Variants in ASCC1 observed in about 807,000 individuals in gnomAD.
ASCC1 encodes the protein activating signal cointegrator 1 complex subunit 1.
Under a neutral mutation model 46.6 loss-of-function variants are expected in ASCC1, and 35 were observed. The ratio of observed to expected loss-of-function variants is 0.75; its 90% CI spans 0.57 to 0.99. The LOEUF (loss-of-function observed/expected upper bound fraction) is 0.99. ASCC1 is among the 50% of genes least tolerant of loss of function. The probability of loss-of-function intolerance (pLI) is 0.00; values close to 1 mark genes in which losing one functional copy is unlikely to be tolerated. For synonymous variants in ASCC1, 143 were observed against 146.6 expected (o/e 0.98, Z 0.18); for missense variants, 376 against 428.7 (o/e 0.88, Z 1.09).
At chr10:72,217,009 C>G (rs550479820), upstream of ASCC1, 672 of 454,920 alleles carry the variant, frequency 1.5e-3, 13 homozygotes, top group South Asian at 0.01. Flanking sequence ...TCCTGCATGA[C>G]CTTTGCTGAG....
At chr10:72,110,760 C>A (rs1413918882) in intron 9 of ASCC1, among the ~76,000 whole-genome samples, 1 of 152,200 alleles carries the variant, frequency 6.6e-6, no homozygotes, top group Non-Finnish European at 1.5e-5. Context: ...GCACTCCAGT[C>A]TGGGTGATAC....
At chr10:72,153,880 C>T (rs1848656621) in intron 6 of ASCC1, among the ~76,000 whole-genome samples, 1 of 152,100 alleles carries the variant, frequency 6.6e-6, no homozygotes, top group African/African-American at 2.4e-5. Context: ...TGCCACCACG[C>T]CAAGCTAATT....
intron 5 of ASCC1, among the ~76,000 whole-genome samples, chr10:72,181,843 AC>A (rs1390388662): frequency 3.3e-5 from 5 of 151,936 alleles, no homozygotes; most frequent in African/African-American, 7.3e-5. Context: ...GTGCCACCAC[AC>A]CCAGCTAATT....
chr10:72,172,938 T>C (rs1049662036), intron 5 of ASCC1, among the ~76,000 whole-genome samples: 2 of 138,428 alleles, frequency 1.4e-5, no homozygotes, highest in African/African-American at 5.3e-5. Context: ...ATATATTTTA[T>C]ATTATATATT....
At chr10:72,175,983 T>C (rs191911317) in intron 5 of ASCC1, among the ~76,000 whole-genome samples, 10 of 152,364 alleles carry the variant, frequency 6.6e-5, no homozygotes, top group Admixed American at 6.5e-4. Flanking sequence ...CAAGTCTTAC[T>C]TGGTACAGCA....
chr10:72,099,870 G>A (rs1841536775), intron 9 of ASCC1, among the ~76,000 whole-genome samples: 1 of 152,090 alleles, frequency 6.6e-6, no homozygotes, highest in Non-Finnish European at 1.5e-5. Flanking sequence ...AGTACCTTGT[G>A]TGCTCACTGA....
At chr10:72,209,043 T>C (rs932345970) in intron 3 of ASCC1, among the ~76,000 whole-genome samples, 1 of 151,752 alleles carries the variant, frequency 6.6e-6, no homozygotes, top group Middle Eastern at 3.2e-3. Flanking sequence ...CACACACCTG[T>C]AGTCCCAGCT....
Position 72,213,206 on chromosome 10 carries a change from ATCT to A in ASCC1, c.90_92del (p.Glu30del). On this transcript the variant is annotated inframe_deletion, in exon 2 of 10. Transcript: ENST00000672957. ...GATTACCTTGATAGAAGTCCTCTTC[ATCT>A]TCTTCATGTTGATAGGTCTGTTCTT... The A allele has an allele frequency of 1.2e-6, 2 of 1,612,678 alleles. No individual in the cohort carries two copies. The highest frequency in any genetic ancestry group is 8.5e-7 in the Non-Finnish European group (1 of 1,178,788).
intron 8 of ASCC1, among the ~76,000 whole-genome samples, chr10:72,129,946 A>T (rs1845380187): frequency 7.3e-6 from 1 of 136,798 alleles, no homozygotes; most frequent in Non-Finnish European, 1.5e-5. Flanking sequence ...ACTCTACTAC[A>T]CTCCAGCCTG....
chr10:72,149,207 G>A (rs549548957), intron 7 of ASCC1, among the ~76,000 whole-genome samples: 63 of 151,920 alleles, frequency 4.1e-4, no homozygotes, highest in African/African-American at 1.5e-3. Context: ...GGGAGGCCAA[G>A]GTGGACAGAG....
At chr10:72,210,979 C>T (rs1471566855) in intron 2 of ASCC1, 148 bp from the exon 3 acceptor site, 2 of 719,934 alleles carry the variant, frequency 2.8e-6, no homozygotes, top group Non-Finnish European at 5.0e-6. Flanking sequence ...CATGACACTG[C>T]TCTGATACTC....
At chr10:72,169,804 C>A (rs776425447) in intron 5 of ASCC1, among the ~76,000 whole-genome samples, 42 of 152,234 alleles carry the variant, frequency 2.8e-4, no homozygotes, top group Non-Finnish European at 4.3e-4. Flanking sequence ...CAAATCCACA[C>A]TAGAGGGGGT....
intron 7 of ASCC1, among the ~76,000 whole-genome samples, chr10:72,149,531 A>G (rs1458861781): frequency 2.0e-5 from 3 of 152,146 alleles, no homozygotes; most frequent in African/African-American, 4.8e-5. Context: ...TACTCAGGTA[A>G]ATACTGACAG....
intron 9 of ASCC1, among the ~76,000 whole-genome samples, chr10:72,111,955 T>A (rs188366162): frequency 6.6e-6 from 1 of 152,366 alleles, no homozygotes; most frequent in Admixed American, 6.5e-5. Context: ...CATCATTTTT[T>A]AAGAAGACAT....
chr10:72,104,772 A>G (rs1296840809), intron 9 of ASCC1, among the ~76,000 whole-genome samples: 1 of 152,176 alleles, frequency 6.6e-6, no homozygotes, highest in Non-Finnish European at 1.5e-5. Flanking sequence ...CAAAACTACA[A>G]ATATTTAATG....
At chr10:72,153,889 T>A (rs1470809356) in intron 6 of ASCC1, among the ~76,000 whole-genome samples, 2 of 152,032 alleles carry the variant, frequency 1.3e-5, no homozygotes, top group African/African-American at 4.8e-5. Flanking sequence ...GCCAAGCTAA[T>A]TTTTGTATTT....
chr10:72,145,153 G>T (rs1223992025), intron 7 of ASCC1, among the ~76,000 whole-genome samples: 1 of 152,134 alleles, frequency 6.6e-6, no homozygotes, highest in Non-Finnish European at 1.5e-5. Context: ...GTCTGCTGTC[G>T]TCATAATTGT....
intron 7 of ASCC1, among the ~76,000 whole-genome samples, chr10:72,137,325 G>A (rs1410394897): frequency 2.0e-5 from 3 of 151,820 alleles, no homozygotes; most frequent in Non-Finnish European, 4.4e-5. Context: ...TCAGAAGTTC[G>A]AGATCAGCCT....
chr10:72,161,833 T>C (rs1849728631), intron 5 of ASCC1, among the ~76,000 whole-genome samples, 159 bp from the exon 6 acceptor site: 2 of 152,178 alleles, frequency 1.3e-5, no homozygotes, highest in South Asian at 2.1e-4. Context: ...CAATAAATGA[T>C]GCTAGAACAA....
Sources: allele counts gnomAD v4.1 joint callset (sites outside exome capture counted in the v4.1 genomes callset), GRCh38; gene constraint gnomAD v4.1.1; transcripts MANE v1.5; gene names NCBI Gene and HGNC (gene_info 2026-07-23, HGNC 2026-07-21).